Variants in KCNH8 observed in about 807,000 individuals in gnomAD.
KCNH8 encodes the protein voltage-gated delayed rectifier potassium channel KCNH8.
In KCNH8, 70 loss-of-function variants were observed where a neutral mutation model predicts 103.6. The observed-to-expected ratio is 0.68, with a 90% CI of 0.56 to 0.82. The LOEUF (loss-of-function observed/expected upper bound fraction) is 0.82. Ranked by LOEUF, KCNH8 falls within the 40% of genes least tolerant of loss-of-function variation. The pLI is 0.00. For synonymous variants in KCNH8, 498 were observed against 489.4 expected, an observed-to-expected ratio of 1.02 and a Z score of -0.23; for missense variants, 1,217 against 1,329.9, an observed-to-expected ratio of 0.92 and a Z score of 1.32.
chr3:19,356,294 A>G (rs2065881498), intron 5 of KCNH8, among the ~76,000 whole-genome samples: 1 of 151,894 alleles, frequency 6.6e-6, no homozygotes, highest in African/African-American at 2.4e-5. Context: ...TTAATCCAGC[A>G]TCTCTCAAAT....
At chr3:19,463,554 AAAAC>A (rs1457003681) in intron 11 of KCNH8, among the ~76,000 whole-genome samples, 3 of 152,134 alleles carry the variant, frequency 2.0e-5, no homozygotes, top group Admixed American at 6.5e-5. Context: ...ATGAAAATAA[AAAAC>A]AAAGGCGTAA....
chr3:19,495,093 A>G (rs563302519), intron 11 of KCNH8, among the ~76,000 whole-genome samples: 1 of 151,890 alleles, frequency 6.6e-6, no homozygotes, highest in Non-Finnish European at 1.5e-5. Context: ...TAGATTCTGG[A>G]TATTAGACCT....
At chr3:19,348,598 T>G (rs1305756373) in intron 5 of KCNH8, among the ~76,000 whole-genome samples, 1 of 152,084 alleles carries the variant, frequency 6.6e-6, no homozygotes, top group Non-Finnish European at 1.5e-5. Flanking sequence ...CCTTAAATCT[T>G]CATCTTGTTT....
intron 5 of KCNH8, among the ~76,000 whole-genome samples, chr3:19,379,889 T>C (rs1574992771): frequency 6.6e-6 from 1 of 152,152 alleles, no homozygotes; most frequent in Admixed American, 6.5e-5. Flanking sequence ...TTTGGTTTCA[T>C]CCATATTGCT....
intron 1 of KCNH8, among the ~76,000 whole-genome samples, chr3:19,211,902 C>A (rs2063775162): frequency 6.6e-6 from 1 of 152,080 alleles, no homozygotes; most frequent in Non-Finnish European, 1.5e-5. Flanking sequence ...AGTGTTAGGA[C>A]AAAATGTGTT....
At chr3:19,316,613 C>T (rs1485518143) in intron 3 of KCNH8, among the ~76,000 whole-genome samples, 2 of 151,962 alleles carry the variant, frequency 1.3e-5, no homozygotes, top group East Asian at 1.9e-4. Context: ...GCTCCTCCAG[C>T]TCTTACATAT....
chr3:19,447,246 A>G (rs941892627), intron 8 of KCNH8, among the ~76,000 whole-genome samples: 2 of 152,024 alleles, frequency 1.3e-5, no homozygotes, highest in Admixed American at 1.3e-4. Context: ...ATGAAAGGCT[A>G]TGAGGACCAG....
At chr3:19,270,909 G>A (rs1010201371) in intron 2 of KCNH8, among the ~76,000 whole-genome samples, 1 of 151,824 alleles carries the variant, frequency 6.6e-6, no homozygotes, top group Non-Finnish European at 1.5e-5. Context: ...TTCTTACATA[G>A]GATGTATTTT....
intron 8 of KCNH8, among the ~76,000 whole-genome samples, chr3:19,439,626 G>A (rs555090051): frequency 2.6e-4 from 40 of 152,100 alleles, no homozygotes; most frequent in African/African-American, 8.9e-4. Context: ...AGAATCACAC[G>A]GACCATTCAT....
chr3:19,209,696 G>C (rs1036065786), intron 1 of KCNH8, among the ~76,000 whole-genome samples: 2 of 151,460 alleles, frequency 1.3e-5, no homozygotes, highest in Non-Finnish European at 2.9e-5. Flanking sequence ...ACAAAAATCA[G>C]CTTTGCTTAT....
At chr3:19,415,964 A>G (rs1022307059) in intron 7 of KCNH8, among the ~76,000 whole-genome samples, 8 of 151,950 alleles carry the variant, frequency 5.3e-5, no homozygotes, top group African/African-American at 1.9e-4. Context: ...TTTTTCATAT[A>G]TTTTTTGACC....
chr3:19,170,846 C>G (rs932911471), intron 1 of KCNH8, among the ~76,000 whole-genome samples: 7 of 138,488 alleles, frequency 5.1e-5, no homozygotes, highest in Middle Eastern at 4.5e-3. Flanking sequence ...GTCTCGCGCT[C>G]TCGCCCAGGC....
Position 19,263,634 on chromosome 3 carries a change from G to A in KCNH8, c.310+9747G>A, listed in dbSNP as rs371565180. On this transcript the variant is annotated intron_variant, in intron 2 of 15. Transcript: ENST00000328405. ...GGTAGTCTAGTGTTTCATGAACCAG[G>A]CAGAAGCTGCAAGAATTTTTGTGAA... Among the ~76,000 whole-genome samples the A allele has an allele frequency of 4.6e-5, 7 of 152,164 alleles. No individual in the cohort carries two copies. In the East Asian group the frequency reaches 9.7e-4, roughly 21 times the overall value.
At chr3:19,347,682 ATGT>A (rs1453591346) in intron 4 of KCNH8, 40 bp from the exon 5 acceptor site, 22 of 1,604,938 alleles carry the variant, frequency 1.4e-5, no homozygotes, top group Non-Finnish European at 1.8e-5. Flanking sequence ...CTTGTTTCTA[ATGT>A]TGTGTTTCTC....
intron 7 of KCNH8, among the ~76,000 whole-genome samples, chr3:19,432,858 G>T (rs2067143110): frequency 6.6e-6 from 1 of 152,174 alleles, no homozygotes; most frequent in African/African-American, 2.4e-5. Context: ...TATTAGCTGA[G>T]ATTTAAGAGG....
rs1431757667 is a variant in KCNH8, at chr3:19,281,989, ATTAT to A, written c.442+663_442+666del. ...AAGTTAACACTGAAAAACTGCTGATATTATTTGTTTTAAACCAAAGTAGGATTCT... is the reference window on the plus strand; with the variant it reads ...AAGTTAACACTGAAAAACTGCTGATATTGTTTTAAACCAAAGTAGGATTCT... On this transcript the variant is annotated intron_variant, in intron 3 of 15. Transcript: ENST00000328405. Among the ~76,000 whole-genome samples the A allele has an allele frequency of 2.6e-5, 4 of 152,084 alleles. No individual in the cohort carries two copies. In the East Asian group the frequency reaches 7.7e-4, roughly 29 times the overall value.
intron 1 of KCNH8, among the ~76,000 whole-genome samples, chr3:19,249,014 T>C (rs1014525183): frequency 1.3e-5 from 2 of 152,130 alleles, no homozygotes; most frequent in African/African-American, 4.8e-5. Flanking sequence ...TATCTTACTG[T>C]TTACTCTCAC....
intron 11 of KCNH8, among the ~76,000 whole-genome samples, chr3:19,475,212 G>A (rs1179732140): frequency 6.6e-6 from 1 of 152,168 alleles, no homozygotes; most frequent in Non-Finnish European, 1.5e-5. Flanking sequence ...GAAAATAATA[G>A]TCTTAAGGGA....
chr3:19,382,971 T>C (rs2125125887), intron 5 of KCNH8, among the ~76,000 whole-genome samples: 1 of 152,200 alleles, frequency 6.6e-6, no homozygotes, highest in Admixed American at 6.5e-5. Context: ...TCCATAATTA[T>C]CAAGGCAAGG....
Sources: allele counts gnomAD v4.1 joint callset (sites outside exome capture counted in the v4.1 genomes callset), GRCh38; gene constraint gnomAD v4.1.1; transcripts MANE v1.5; gene names NCBI Gene and HGNC (gene_info 2026-07-23, HGNC 2026-07-21).